Variants in INTS6 observed in about 807,000 individuals in gnomAD.
The protein encoded by INTS6 is integrator complex subunit 6.
Under a neutral mutation model 104.9 loss-of-function variants are expected in INTS6, and 16 were observed. That is an observed-to-expected ratio of 0.15 (90% CI 0.10 to 0.23). The LOEUF (loss-of-function observed/expected upper bound fraction) is 0.23. Ranked by LOEUF, INTS6 falls within the 10% of genes least tolerant of loss-of-function variation. The pLI is 1.00. For synonymous variants in INTS6, 324 were observed against 358.7 expected (o/e 0.90, Z 1.09); for missense variants, 584 against 1,062.8 (o/e 0.55, Z 6.26).
chr13:51,342,178 C>CAAAAAAAAAA, the INTS6 span, among the ~76,000 whole-genome samples: 7 of 63,570 alleles, frequency 1.1e-4, no homozygotes, highest in South Asian at 6.4e-4. Context: ...AAAGACAGAA[C>CAAAAAAAAAA]AAAAAAAAAA....
chr13:51,402,938 TTTAG>T (rs1956465818), intron 4 of INTS6: 1 of 152,210 alleles, frequency 6.6e-6, no homozygotes, highest in Non-Finnish European at 1.5e-5. Context: ...ATTTTAATTA[TTTAG>T]TTATTCATGG....
rs1202126463 is a variant in INTS6 at position 51,450,507 on chromosome 13, C to T, written c.339+518G>A. 5 of 984,808 alleles carry T rather than the reference C, an allele frequency of 5.1e-6. No individual in the cohort carries two copies. In the African/African-American group the frequency reaches 7.0e-5, roughly 14 times the overall value. The allele number at this position is 984,808 out of a possible 1,614,324, so 61.0% of individuals were successfully genotyped here. On this transcript the variant is annotated intron_variant, in intron 3 of 17. Transcript: ENST00000311234. ...CTGCAATAGTTGTTAACTGTGTATG[C>T]TTCAAAAGAAAACTTAAATGTTCTC...
chr13:51,451,722 G>T (rs1953054080), intron 2 of INTS6: 1 of 185,020 alleles, frequency 5.4e-6, no homozygotes, highest in Non-Finnish European at 1.1e-5. Flanking sequence ...TGATAGCAGC[G>T]CCGCCGCCGC....
intron 15 of INTS6, among the ~76,000 whole-genome samples, chr13:51,372,768 A>G (rs1237472702): frequency 6.6e-6 from 1 of 152,188 alleles, no homozygotes; most frequent in East Asian, 1.9e-4. Flanking sequence ...ATGTCCAGGT[A>G]TTTCTCAAAT....
At chr13:51,383,524 T>A (rs1566214419) in intron 8 of INTS6, 63 bp from the exon 9 acceptor site, 1 of 1,604,500 alleles carries the variant, frequency 6.2e-7, no homozygotes, top group East Asian at 2.2e-5. Context: ...AACCATTGAT[T>A]CAATTCAGCT....
chr13:51,396,125 A>T (rs1282945151), intron 4 of INTS6, among the ~76,000 whole-genome samples: 3 of 152,162 alleles, frequency 2.0e-5, no homozygotes, highest in Non-Finnish European at 2.9e-5. Context: ...AAAAAAAAAT[A>T]GACCTCAAAA....
chr13:51,441,702 G>A (rs1319838682), intron 3 of INTS6: 3 of 152,084 alleles, frequency 2.0e-5, no homozygotes, highest in Middle Eastern at 3.4e-3. Context: ...AAAGTATGAA[G>A]CACAAAACCA....
chr13:51,358,875 A>G (rs1955519967), downstream of INTS6, among the ~76,000 whole-genome samples: 2 of 152,054 alleles, frequency 1.3e-5, no homozygotes, highest in African/African-American at 2.4e-5. Context: ...AGTTTCCCAA[A>G]GTATGTTCCC....
chr13:51,351,785 G>GTCTT (rs1268716312), downstream of INTS6, among the ~76,000 whole-genome samples: 12 of 152,106 alleles, frequency 7.9e-5, no homozygotes, highest in East Asian at 2.3e-3. Flanking sequence ...TTACATTTAG[G>GTCTT]TCTTTAATCC....
At chr13:51,413,856 G>T (rs943047503) in intron 4 of INTS6, among the ~76,000 whole-genome samples, 7 of 152,160 alleles carry the variant, frequency 4.6e-5, no homozygotes, top group Admixed American at 2.6e-4. Flanking sequence ...AGAACAAGCT[G>T]TCACACTAGA....
rs756244368 is a variant in INTS6 at position 51,369,289 on chromosome 13, G to A, written c.2126C>T (p.Ser709Leu). ...LHKISETTND[S>L]IIHDVVENHV... ...ATTTTCAACCACATCATGTATTATC[G>A]AATCATTAGTGGTTTCTGAAACTAA... Residue 709 changes from serine to leucine, a missense_variant, in exon 16 of 18, where the codon TCG (serine) becomes TTG (leucine). Ser to Leu is a moderately radical substitution (Grantham distance 145). This residue lies in a region of INTS6 where 296 missense variants were observed against 437.0 expected (regional missense o/e 0.68). Coordinates refer to ENST00000311234, the MANE Select transcript of INTS6 (RefSeq NM_012141.3). The A allele has an allele frequency of 1.0e-5, 16 of 1,607,702 alleles. No individual in the cohort carries two copies. Among genetic ancestry groups the A allele is most frequent in the Middle Eastern group, 1.7e-4 (1 of 6,032 alleles).
chr13:51,340,847 T>C, the INTS6 span: 1 of 564,402 alleles, frequency 1.8e-6, no homozygotes, highest in South Asian at 2.2e-5. Flanking sequence ...ACAGTTTGGC[T>C]GCCAAAGGAC....
At chr13:51,451,957 G>C (rs773187727) in intron 2 of INTS6, 21 bp downstream of exon 2, 75 of 1,595,794 alleles carry the variant, frequency 4.7e-5, no homozygotes, top group Non-Finnish European at 5.4e-5. Flanking sequence ...GGGAGGAAAG[G>C]GGGAGGGCGA....
chr13:51,449,482 T>C (rs1223588306), intron 3 of INTS6: 1 of 985,258 alleles, frequency 1.0e-6, no homozygotes, highest in African/African-American at 1.7e-5. Context: ...AAGGAAGCAA[T>C]CTTTAAGAAG....
intron 4 of INTS6, among the ~76,000 whole-genome samples, chr13:51,396,240 T>C (rs1956335783): frequency 6.6e-6 from 1 of 152,220 alleles, no homozygotes; most frequent in Non-Finnish European, 1.5e-5. Flanking sequence ...CTTCATTTTA[T>C]ATAAGATAAA....
At chr13:51,434,155 T>A (rs552056859) in intron 3 of INTS6, among the ~76,000 whole-genome samples, 1 of 152,338 alleles carries the variant, frequency 6.6e-6, no homozygotes, top group Admixed American at 6.5e-5. Context: ...TTTTAATATA[T>A]CCTTTCTGCA....
chr13:51,338,262 T>C, the INTS6 span, among the ~76,000 whole-genome samples: 4 of 152,176 alleles, frequency 2.6e-5, no homozygotes, highest in African/African-American at 9.7e-5. Context: ...GACAAGGCAG[T>C]CCTCACAAGT....
chr13:51,421,890 G>A (rs1956902507), intron 4 of INTS6, among the ~76,000 whole-genome samples: 1 of 152,050 alleles, frequency 6.6e-6, no homozygotes, highest in South Asian at 2.1e-4. Flanking sequence ...CTAGCATTCT[G>A]TAGAATTTTC....
Position 51,362,191 on chromosome 13 carries a change from T to C in INTS6, c.*3561A>G. 1.5e-6 allele frequency: 1 copy of C among 670,472 alleles called. No homozygotes were observed. Among genetic ancestry groups the C allele is most frequent in the Non-Finnish European group, 2.2e-6 (1 of 445,938 alleles). 41.5% of individuals were successfully genotyped at this position (670,472 alleles called of 1,614,324 possible). ...CTTCTGAAGACACTTGGAAAAATCATGAAAGTAAAATAAATTATAAATCTT... is the reference window on the plus strand; with the variant it reads ...CTTCTGAAGACACTTGGAAAAATCACGAAAGTAAAATAAATTATAAATCTT... On this transcript the variant is annotated 3_prime_UTR_variant, in exon 18 of 18. Coordinates refer to ENST00000311234, the MANE Select transcript of INTS6 (RefSeq NM_012141.3).
Sources: gnomAD v4.1 joint callset for allele counts (sites outside exome capture counted in the v4.1 genomes callset) on GRCh38, gnomAD v4.1.1 for gene constraint, gnomAD v4.1.1 regional missense constraint, MANE v1.5 for transcripts, NCBI Gene and HGNC (gene_info 2026-07-23, HGNC 2026-07-21) for gene names.